The following PTP4A2 variants were observed in gnomAD, a reference collection of about 807,000 sequenced individuals.
PTP4A2 encodes the protein protein tyrosine phosphatase 4A2.
A neutral mutation model predicts 22.9 loss-of-function variants in PTP4A2; 2 were observed. The observed-to-expected ratio is 0.09, with a 90% CI of 0.04 to 0.27. The LOEUF is 0.27. Among genes scored for constraint, PTP4A2 ranks in the 10% least tolerant of loss-of-function variants. PTP4A2 has a pLI of 1.00. For missense variants in PTP4A2, 103 were observed against 205.1 expected, an observed-to-expected ratio of 0.50 and a Z score of 3.04; for synonymous variants, 68 against 69.1, an observed-to-expected ratio of 0.98 and a Z score of 0.08.
intron 1 of PTP4A2, among the ~76,000 whole-genome samples, chr1:31,928,545 C>G (rs1333368055): frequency 2.0e-5 from 3 of 151,730 alleles, no homozygotes; most frequent in Non-Finnish European, 1.5e-5. Context: ...ACCAAAAATA[C>G]AAAAACTAGC....
chr1:31,922,949 T>TGA (rs1569620805), intron 1 of PTP4A2, among the ~76,000 whole-genome samples: 1 of 151,706 alleles, frequency 6.6e-6, no homozygotes, highest in Non-Finnish European at 1.5e-5. Context: ...TTTTTTTTTT[T>TGA]GAGAGAGAGT....
Position 31,938,217 on chromosome 1 carries a change from TGCTGCCGCC to T in PTP4A2, c.-833_-825del, listed in dbSNP as rs1221326309. Reference sequence around the variant, plus strand: ...CTGCTGCGGCCGCCGCTGCGTCTCCTGCTGCCGCCGCTGCCTCCGCTGCCGCCGCTGCCC... The same window carrying T: ...CTGCTGCGGCCGCCGCTGCGTCTCCTGCTGCCTCCGCTGCCGCCGCTGCCC... On this transcript the variant is annotated 5_prime_UTR_variant, in exon 1 of 6. Transcript: ENST00000647444. The surrounding 1 kb of genome is among the most constrained non-coding windows in gnomAD (Gnocchi z 4.4). The T allele has an allele frequency of 6.5e-6, 1 of 152,708 alleles. No homozygotes were observed. The highest frequency in any genetic ancestry group is 2.4e-5 in the African/African-American group (1 of 40,916). 9.5% of individuals were successfully genotyped at this position (152,708 alleles called of 1,614,324 possible).
At position 31,932,068 on chromosome 1, in the gene PTP4A2, A is replaced by G. The variant is rs141663995; in HGVS notation, c.-594+5919T>C. 4.0e-3 allele frequency among the ~76,000 whole-genome samples: 615 copies of G among 152,364 alleles called. 4 individuals are homozygous for G. Among genetic ancestry groups the G allele is most frequent in the African/African-American group, 0.014 (596 of 41,584 alleles). On this transcript the variant is annotated intron_variant, in intron 1 of 5. Transcript: ENST00000647444. ...TTGGTCAAATTTAAACAAAAACTAA[A>G]GGACAACTGGAAGAAAACAGACCTG...
At chr1:31,931,236 G>GTTTTCATATTACCACCACA (rs1652714314) in intron 1 of PTP4A2, 1 of 152,224 alleles carries the variant, frequency 6.6e-6, no homozygotes, top group African/African-American at 2.4e-5. Flanking sequence ...AGCGTGAGAA[G>GTTTTCATATTACCACCACA]AATGGAGTAG....
At chr1:31,932,871 A>C (rs686729) in intron 1 of PTP4A2, 17,657 of 152,348 alleles carry the variant, frequency 0.12, 1,390 homozygotes, top group East Asian at 0.37. Context: ...TCAAGTGCCA[A>C]GACAGTGGCC....
chr1:31,938,287 G>GCCGCTC lies in PTP4A2; in HGVS notation c.-900_-895dup, dbSNP rs1398762448. 2.0e-5 allele frequency: 3 copies of GCCGCTC among 149,600 alleles called. No individual in the cohort carries two copies. The highest frequency in any genetic ancestry group is 7.3e-5 in the African/African-American group (3 of 41,014). The allele number at this position is 149,600 out of a possible 1,614,324, so 9.3% of individuals were successfully genotyped here. A position where few individuals can be genotyped will look rare whatever the true frequency, so the allele number is the denominator to read the frequency against. On this transcript the variant is annotated 5_prime_UTR_variant, in exon 1 of 6. Transcript: ENST00000647444. The surrounding 1 kb of genome is among the most constrained non-coding windows in gnomAD (Gnocchi z 4.4). The stretch of plus-strand genomic sequence containing the variant: ...CCTCGCGCCGTGCCCGGCCGCCGCT[G>GCCGCTC]CCGCTCCAGCCGCTCCCGGACAGAC...
chr1:31,916,204 G>A (rs768363772), intron 2 of PTP4A2, among the ~76,000 whole-genome samples: 23 of 151,720 alleles, frequency 1.5e-4, no homozygotes, highest in South Asian at 4.2e-4. Flanking sequence ...GATCAGCTGA[G>A]TGTGGTGGTG....
intron 1 of PTP4A2, among the ~76,000 whole-genome samples, chr1:31,924,552 T>C (rs1478765914): frequency 6.6e-6 from 1 of 152,228 alleles, no homozygotes; most frequent in African/African-American, 2.4e-5. Flanking sequence ...TGTTTTAACA[T>C]AAATTCAGTG....
intron 3 of PTP4A2, among the ~76,000 whole-genome samples, chr1:31,914,884 T>A (rs1043940574): frequency 6.6e-6 from 1 of 152,200 alleles, no homozygotes; most frequent in Non-Finnish European, 1.5e-5. Context: ...AATCTAATCA[T>A]ACTAAAGCTC....
Position 31,934,620 on chromosome 1 carries a change from G to A in PTP4A2, c.-594+3367C>T, listed in dbSNP as rs537144568. Among the ~76,000 whole-genome samples, 13 of 152,200 alleles carry A rather than the reference G, an allele frequency of 8.5e-5. No individual in the cohort carries two copies. In the South Asian group the frequency reaches 2.3e-3, roughly 27 times the overall value. ...AAGTGTTCCTTAATTACTGCATAAG[G>A]AAATACTACCTTTATAGGACAAAAT... On this transcript the variant is annotated intron_variant, in intron 1 of 5. Coordinates refer to ENST00000647444, the MANE Select transcript of PTP4A2 (RefSeq NM_080391.4).
chr1:31,907,667 C>G lies in PTP4A2; in HGVS notation c.*1185G>C, dbSNP rs188858331. ...CAGTTTGGAAAACACATACCACAAG[C>G]ATTTCTCAAGTCGAAAATATGTGAA... On this transcript the variant is annotated 3_prime_UTR_variant, in exon 6 of 6. Coordinates refer to ENST00000647444, the MANE Select transcript of PTP4A2 (RefSeq NM_080391.4). 5.8e-4 allele frequency: 88 copies of G among 152,138 alleles called. No individual in the cohort carries two copies. Among genetic ancestry groups the G allele is most frequent in the African/African-American group, 2.0e-3 (84 of 41,506 alleles). 9.4% of individuals were successfully genotyped at this position (152,138 alleles called of 1,614,324 possible). A position where few individuals can be genotyped will look rare whatever the true frequency, so the allele number is the denominator to read the frequency against.
rs895959922 is a variant in PTP4A2 at position 31,907,247 on chromosome 1, T to G, written c.*1605A>C. 6.6e-6 allele frequency: 1 copy of G among 152,208 alleles called. No individual in the cohort carries two copies. The highest frequency in any genetic ancestry group is 2.4e-5 in the African/African-American group (1 of 41,444). 9.4% of individuals were successfully genotyped at this position (152,208 alleles called of 1,614,324 possible). A position where few individuals can be genotyped will look rare whatever the true frequency, so the allele number is the denominator to read the frequency against. ...AGGACAAGATGACTTTAAGCCCGTATTCAGAGCCCTAGAAGCAGGGCACTA... is the reference window on the plus strand; with the variant it reads ...AGGACAAGATGACTTTAAGCCCGTAGTCAGAGCCCTAGAAGCAGGGCACTA... On this transcript the variant is annotated 3_prime_UTR_variant, in exon 6 of 6. Coordinates refer to ENST00000647444, the MANE Select transcript of PTP4A2 (RefSeq NM_080391.4).
rs1651250769 is a variant in PTP4A2 at position 31,907,621 on chromosome 1, C to T, written c.*1231G>A. 6.6e-6 allele frequency: 1 copy of T among 151,968 alleles called. No individual in the cohort carries two copies. The allele number at this position is 151,968 out of a possible 1,614,324, so 9.4% of individuals were successfully genotyped here. A position where few individuals can be genotyped will look rare whatever the true frequency, so the allele number is the denominator to read the frequency against. The stretch of plus-strand genomic sequence containing the variant: ...AATAACAAGGCAATCAGTGGTTAAA[C>T]TGAACTTTACATATAGGGGGCAGTT... On this transcript the variant is annotated 3_prime_UTR_variant, in exon 6 of 6. Coordinates refer to ENST00000647444, the MANE Select transcript of PTP4A2 (RefSeq NM_080391.4).
Position 31,907,957 on chromosome 1 carries a change from G to A in PTP4A2, c.*895C>T, listed in dbSNP as rs1028589112. 3 of 150,532 alleles carry A rather than the reference G, an allele frequency of 2.0e-5. No individual in the cohort carries two copies. Among genetic ancestry groups the A allele is most frequent in the African/African-American group, 7.3e-5 (3 of 40,864 alleles). The allele number at this position is 150,532 out of a possible 1,614,324, so 9.3% of individuals were successfully genotyped here. Reference sequence around the variant, plus strand: ...GAAGAATTCGACTCTCAGGTAAGTTGAGAAGAGACTCCTCTTAAAATGCCA... The same window carrying A: ...GAAGAATTCGACTCTCAGGTAAGTTAAGAAGAGACTCCTCTTAAAATGCCA... On this transcript the variant is annotated 3_prime_UTR_variant, in exon 6 of 6. Transcript: ENST00000647444.
At position 31,908,241 on chromosome 1, in the gene PTP4A2, T is replaced by TG. The variant is rs1214765327; in HGVS notation, c.*610_*611insC. On this transcript the variant is annotated 3_prime_UTR_variant, in exon 6 of 6. Transcript: ENST00000647444. ...TTTTTTTGGTGTTGTTTTTTGTTTT[T>TG]TTTTTTTTTTTATCTAAAAGTGCCC... The TG allele has an allele frequency of 7.6e-5, 9 of 119,120 alleles. 1 individual carries two copies. The highest frequency in any genetic ancestry group is 2.9e-4 in the African/African-American group (9 of 31,426). The allele number at this position is 119,120 out of a possible 1,614,324, so 7.4% of individuals were successfully genotyped here.
chr1:31,921,872 C>T (rs1370666082), intron 1 of PTP4A2: 2 of 152,104 alleles, frequency 1.3e-5, no homozygotes, highest in Admixed American at 6.5e-5. Context: ...AAATTGCATA[C>T]TTGTGATTAT....
chr1:31,917,744 G>GGT (rs1303623358), intron 2 of PTP4A2, among the ~76,000 whole-genome samples: 3 of 152,080 alleles, frequency 2.0e-5, no homozygotes, highest in South Asian at 2.1e-4. Context: ...GGGAGGCCGA[G>GGT]GAAGGCGGAT....
chr1:31,922,586 GTTTCTTTCTTTCTTTC>G (rs200368265), intron 1 of PTP4A2, among the ~76,000 whole-genome samples: 19,111 of 146,038 alleles, frequency 0.13, 1,517 homozygotes, highest in East Asian at 0.31. Context: ...ACCCAGGTTT[GTTTCTTTCTTTCTTTC>G]TTTCTTTCTT....
chr1:31,929,643 C>A (rs1271167006), intron 1 of PTP4A2, among the ~76,000 whole-genome samples: 1 of 152,200 alleles, frequency 6.6e-6, no homozygotes, highest in African/African-American at 2.4e-5. Context: ...CTCCTCCCAT[C>A]CTTCCTTCTT....
Sources: gnomAD v4.1 joint callset for allele counts (sites outside exome capture counted in the v4.1 genomes callset) on GRCh38, gnomAD v4.1.1 for gene constraint, Gnocchi (gnomAD v3.1) non-coding constraint, MANE v1.5 for transcripts, NCBI Gene and HGNC (gene_info 2026-07-23, HGNC 2026-07-21) for gene names.